The following ZNF28 variants were observed in gnomAD, a reference collection of about 807,000 sequenced individuals.
ZNF28 encodes the protein zinc finger protein KOX24.
In ZNF28, 5 loss-of-function variants were observed where a neutral mutation model predicts 7.2. The ratio of observed to expected loss-of-function variants is 0.70; its 90% CI spans 0.36 to 1.46. ZNF28 has a LOEUF of 1.46. Among genes scored for constraint, ZNF28 ranks in the 40% most tolerant of loss-of-function variants. The pLI, the probability that ZNF28 is intolerant of heterozygous loss-of-function variation, is 0.03. For synonymous variants in ZNF28, 288 were observed against 292.4 expected, an observed-to-expected ratio of 0.99 and a Z score of 0.15; for missense variants, 879 against 866.6, an observed-to-expected ratio of 1.01 and a Z score of -0.18.
chr19:52,816,705 A>G (rs1230374467), intron 2 of ZNF28, among the ~76,000 whole-genome samples: 2 of 120,808 alleles, frequency 1.7e-5, no homozygotes, highest in African/African-American at 8.0e-5. Flanking sequence ...GGTGGCGCGC[A>G]CCTATAATCC....
In ZNF28 at chr19:52,798,149, A is replaced by C. The variant is rs1180138632; in HGVS notation, c.*1539T>G. On this transcript the variant is annotated 3_prime_UTR_variant, in exon 4 of 4. Coordinates refer to ENST00000457749, the MANE Select transcript of ZNF28 (RefSeq NM_006969.5). ...AAAAACAAAAACAAAAAAAAGAAAA[A>C]AGAAAGAAAGAATAGAAATGAAAAC... 6.4e-6 allele frequency: 1 copy of C among 156,850 alleles called. No individual in the cohort carries two copies. The highest frequency in any genetic ancestry group is 1.9e-4 in the East Asian group (1 of 5,290). 9.7% of individuals were successfully genotyped at this position (156,850 alleles called of 1,614,324 possible). A position where few individuals can be genotyped will look rare whatever the true frequency, so the allele number is the denominator to read the frequency against.
chr19:52,816,848 A>ATAG (rs1413322592), intron 2 of ZNF28, among the ~76,000 whole-genome samples: 5 of 147,900 alleles, frequency 3.4e-5, no homozygotes, highest in African/African-American at 1.2e-4. Context: ...AATAATAATA[A>ATAG]TAATAATAAT....
In ZNF28 at chr19:52,800,573, T is replaced by A. The variant is rs1277679864; in HGVS notation, c.1272A>T (p.Ser424=). The part of the protein sequence containing the change: ...KVCDKAFAYN[S]YLAKHSIIHT... ...GAATTATACTATGTTTTGCCAGGTATGAATTATATGCAAAAGCCTTGTCAC... is the reference window on the plus strand; with the variant it reads ...GAATTATACTATGTTTTGCCAGGTAAGAATTATATGCAAAAGCCTTGTCAC... The change falls in exon 4 of 4, where the codon TCA becomes TCT. Residue 424 remains serine, a synonymous_variant. Coordinates refer to ENST00000457749, the MANE Select transcript of ZNF28 (RefSeq NM_006969.5). The A allele has an allele frequency of 6.2e-7, 1 of 1,613,672 alleles. No individual in the cohort carries two copies. The highest frequency in any genetic ancestry group is 1.1e-5 in the South Asian group (1 of 91,038).
In ZNF28 at chr19:52,799,983, G is replaced by A. The variant is rs781337692; in HGVS notation, c.1862C>T (p.Ser621Leu). The A allele has an allele frequency of 6.2e-6, 10 of 1,609,032 alleles. No homozygotes were observed. In the Admixed American group the frequency reaches 1.0e-4, roughly 16 times the overall value. The change falls in exon 4 of 4, where the codon TCG (serine) becomes TTG (leucine). Residue 621 changes from serine to leucine, a missense_variant. Ser to Leu is a moderately radical substitution (Grantham distance 145). Transcript: ENST00000457749. ...ATGAAGCCTACGATGGATTATAAGC[G>A]ATGATGTCTGACGGAAGGTCTTGCC... ...ECGKTFRQTS[S>L]LIIHRRLHTG...
rs569776062 is a variant in ZNF28 at position 52,810,594 on chromosome 19, G to A, written c.16-2461C>T. ...CTTCCACGAGCCCGCTACCGCGCCCGACCACCAACTACAGCAGTTCCTGCT... is the reference window on the plus strand; with the variant it reads ...CTTCCACGAGCCCGCTACCGCGCCCAACCACCAACTACAGCAGTTCCTGCT... On this transcript the variant is annotated intron_variant, in intron 2 of 3. Transcript: ENST00000457749. The A allele has an allele frequency of 3.7e-5, 58 of 1,559,880 alleles. 1 individual carries two copies. In the East Asian group the frequency reaches 5.8e-4, roughly 16 times the overall value.
At chr19:52,803,832 G>T (rs1342060429) in intron 3 of ZNF28, among the ~76,000 whole-genome samples, 1 of 152,102 alleles carries the variant, frequency 6.6e-6, no homozygotes, top group Non-Finnish European at 1.5e-5. Context: ...GGTGGAGGGT[G>T]CCTGTAATCC....
chr19:52,804,721 T>C (rs1256244043), intron 3 of ZNF28, among the ~76,000 whole-genome samples: 2 of 152,072 alleles, frequency 1.3e-5, no homozygotes, highest in Non-Finnish European at 2.9e-5. Context: ...GCCAGACTGG[T>C]CTCAAACTCC....
intron 1 of ZNF28, among the ~76,000 whole-genome samples, chr19:52,820,339 G>A (rs1256600695): frequency 1.5e-5 from 2 of 134,794 alleles, no homozygotes; most frequent in East Asian, 2.2e-4. Context: ...GGATGGTCTC[G>A]ATCTCCTGAC....
At chr19:52,813,466 G>C (rs936863517) in intron 2 of ZNF28, among the ~76,000 whole-genome samples, 1 of 121,006 alleles carries the variant, frequency 8.3e-6, no homozygotes, top group African/African-American at 4.0e-5. Flanking sequence ...GGCTGCTCCA[G>C]GGTAGGCGGG....
intron 2 of ZNF28, among the ~76,000 whole-genome samples, chr19:52,811,065 T>C (rs1175172358): frequency 1.3e-5 from 2 of 150,228 alleles, no homozygotes; most frequent in Admixed American, 6.6e-5. Context: ...GGTTTTCGTT[T>C]TTTTTTTTGG....
rs1306942203 is a variant in ZNF28 at position 52,814,045 on chromosome 19, T to C, written c.15+3899A>G. On this transcript the variant is annotated intron_variant, in intron 2 of 3. Transcript: ENST00000457749. ...GACTTTTACAAAAAAGAAAAAACTT[T>C]TTTAAGTTACTACAGAATTTCTTCT... Among the ~76,000 whole-genome samples, 8 of 146,672 alleles carry C rather than the reference T, an allele frequency of 5.5e-5. 1 individual carries two copies. The East Asian group carries it at 1.6e-3, about 29-fold the overall frequency.
chr19:52,801,608 A>T lies in ZNF28; in HGVS notation c.237T>A (p.Ser79Arg), dbSNP rs555939630. 9.3e-6 allele frequency: 15 copies of T among 1,614,146 alleles called. No individual in the cohort carries two copies. In the South Asian group the frequency reaches 1.6e-4, roughly 18 times the overall value. Residue 79 changes from serine (S) to arginine (R), a missense_variant, in exon 4 of 4, where the codon AGT becomes AGA. Ser to Arg is a moderately radical substitution (Grantham distance 110, BLOSUM62 -1). Transcript: ENST00000457749. ...FHTGTLQRQA[S>R]HHIGDFCFQK... ...GGAAGCAAAAATCTCCAATGTGATGACTTGCTTGTCTTTGCAATGTCCCTG... is the reference window on the plus strand; with the variant it reads ...GGAAGCAAAAATCTCCAATGTGATGTCTTGCTTGTCTTTGCAATGTCCCTG...
At chr19:52,807,415 G>A (rs1247481717) in intron 3 of ZNF28, among the ~76,000 whole-genome samples, 1 of 152,158 alleles carries the variant, frequency 6.6e-6, no homozygotes, top group Non-Finnish European at 1.5e-5. Context: ...CTACAGAATC[G>A]AAAGCACAGG....
chr19:52,816,930 A>G (rs1323084226), intron 2 of ZNF28, among the ~76,000 whole-genome samples: 3 of 151,714 alleles, frequency 2.0e-5, no homozygotes, highest in Admixed American at 6.6e-5. Flanking sequence ...ACTCTCCAAT[A>G]TTAGAGAAAA....
At chr19:52,804,248 CATGAGAAATCA>C (rs1485289859) in intron 3 of ZNF28, among the ~76,000 whole-genome samples, 4 of 152,320 alleles carry the variant, frequency 2.6e-5, no homozygotes, top group African/African-American at 9.6e-5. Flanking sequence ...TTTCCAAATT[CATGAGAAATCA>C]ATGTCTTTGT....
chr19:52,798,585 C>T lies in ZNF28; in HGVS notation c.*1103G>A. ...GTGTGAATGTGAAGTAAACGCTTTG[C>T]CACAATCATCACACTTGTGAGTTTC... On this transcript the variant is annotated 3_prime_UTR_variant, in exon 4 of 4. Coordinates refer to ENST00000457749, the MANE Select transcript of ZNF28 (RefSeq NM_006969.5). The T allele has an allele frequency of 2.1e-6, 1 of 482,216 alleles. No individual in the cohort carries two copies. The allele number at this position is 482,216 out of a possible 1,614,324, so 29.9% of individuals were successfully genotyped here. A position where few individuals can be genotyped will look rare whatever the true frequency, so the allele number is the denominator to read the frequency against.
chr19:52,819,708 T>C (rs2063171721), intron 1 of ZNF28, among the ~76,000 whole-genome samples: 1 of 142,830 alleles, frequency 7.0e-6, no homozygotes, highest in Non-Finnish European at 1.5e-5. Flanking sequence ...GGACTGGTCT[T>C]ATCATCCCAT....
chr19:52,810,617 G>C (rs1383483884), intron 2 of ZNF28: 25 of 1,467,718 alleles, frequency 1.7e-5, no homozygotes, highest in Non-Finnish European at 2.2e-5. Context: ...AGCAGTTCCT[G>C]CTCTCCATTC....
At chr19:52,817,804 A>T (rs1210645166) in intron 2 of ZNF28, 140 bp downstream of exon 2, 1 of 1,542,424 alleles carries the variant, frequency 6.5e-7, no homozygotes, top group Non-Finnish European at 8.9e-7. Flanking sequence ...GCGAGATGAG[A>T]TGAACTGAAG....
Sources: gnomAD v4.1 joint callset for allele counts (sites outside exome capture counted in the v4.1 genomes callset) on GRCh38, gnomAD v4.1.1 for gene constraint, MANE v1.5 for transcripts, NCBI Gene and HGNC (gene_info 2026-07-23, HGNC 2026-07-21) for gene names.